NDST1: variants seen among roughly 807,000 people sequenced by gnomAD.
NDST1 encodes the protein N-deacetylase and N-sulfotransferase 1.
A neutral mutation model predicts 92.8 loss-of-function variants in NDST1; 35 were observed. The ratio of observed to expected loss-of-function variants is 0.38; its 90% CI spans 0.29 to 0.50. NDST1 has a LOEUF of 0.50. Among genes scored for constraint, NDST1 ranks in the 20% least tolerant of loss-of-function variants. The pLI is 0.94. For synonymous variants in NDST1, 493 were observed against 500.3 expected (o/e 0.99, Z 0.19); for missense variants, 822 against 1,182.7 (o/e 0.69, Z 4.47).
intron 12 of NDST1, among the ~76,000 whole-genome samples, chr5:150,548,820 T>C (rs1755603228): frequency 2.0e-5 from 3 of 151,880 alleles, no homozygotes; most frequent in Admixed American, 2.0e-4. Flanking sequence ...CATGAGCCAC[T>C]GCACCTGGCC....
intron 3 of NDST1, among the ~76,000 whole-genome samples, chr5:150,531,790 C>CA (rs1754752604): frequency 1.3e-5 from 2 of 151,270 alleles, no homozygotes. Flanking sequence ...TGAGCCACTG[C>CA]ACCTGGCGGC....
In NDST1 at chr5:150,502,129, C is replaced by T. The variant is rs114799766; in HGVS notation, c.-388+3890C>T. 7.9e-3 allele frequency among the ~76,000 whole-genome samples: 1,200 copies of T among 152,144 alleles called. 6 individuals are homozygous for T. Among genetic ancestry groups the T allele is most frequent in the South Asian group, 0.015 (73 of 4,814 alleles). On this transcript the variant is annotated intron_variant, in intron 1 of 1. Transcript: ENST00000518299. ...GTCTGAGTGGAGGGGAAGCTGCTGGCGGGCCCGATGTGAGGACTGACTGGT... is the reference window on the plus strand; with the variant it reads ...GTCTGAGTGGAGGGGAAGCTGCTGGTGGGCCCGATGTGAGGACTGACTGGT...
chr5:150,501,655 A>G (rs1753238158), intron 1 of NDST1, among the ~76,000 whole-genome samples: 1 of 152,184 alleles, frequency 6.6e-6, no homozygotes, highest in African/African-American at 2.4e-5. Context: ...TGTATTAAAC[A>G]TCTACTTTGG....
chr5:150,524,733 G>A lies in NDST1; in HGVS notation c.513+2966G>A, dbSNP rs58843098. Among the ~76,000 whole-genome samples the A allele has an allele frequency of 0.011, 1,668 of 152,304 alleles. 96 individuals carry two copies. In the East Asian group the frequency reaches 0.15, roughly 14 times the overall value. ...GGGGACCGTAAGTGTCTCAGATTTT[G>A]GAATGCTTGCATTCTACTTACCAGT... On this transcript the variant is annotated intron_variant, in intron 2 of 14. Coordinates refer to ENST00000261797, the MANE Select transcript of NDST1 (RefSeq NM_001543.5).
intron 3 of NDST1, among the ~76,000 whole-genome samples, chr5:150,531,631 C>G (rs1356194891): frequency 6.6e-6 from 1 of 150,758 alleles, no homozygotes; most frequent in East Asian, 1.9e-4. Context: ...TCCCGAATAG[C>G]TGGGATTACA....
intron 5 of NDST1, chr5:150,535,347 A>G (rs1314762821): frequency 1.6e-5 from 16 of 985,304 alleles, no homozygotes; most frequent in Non-Finnish European, 1.8e-5. Context: ...AGAGGTGGTC[A>G]ATGAGGAGGG....
intron 1 of NDST1, among the ~76,000 whole-genome samples, chr5:150,499,394 A>G (rs1753132277): frequency 6.6e-6 from 1 of 152,194 alleles, no homozygotes; most frequent in African/African-American, 2.4e-5. Flanking sequence ...TGGTCACTGG[A>G]GGCATCTGAG....
chr5:150,549,191 T>C (rs1052994911), intron 12 of NDST1, among the ~76,000 whole-genome samples: 2 of 152,144 alleles, frequency 1.3e-5, no homozygotes, highest in African/African-American at 4.8e-5. Context: ...TTTGTATTTT[T>C]AGTAGAGACG....
intron 11 of NDST1, among the ~76,000 whole-genome samples, chr5:150,546,912 G>A (rs183052114): frequency 6.6e-6 from 1 of 152,336 alleles, no homozygotes; most frequent in East Asian, 1.9e-4. Flanking sequence ...AAGTGTTTCT[G>A]TTTTCTGCCG....
rs536436453 is a variant in NDST1, at chr5:150,541,538, C to T, written c.1750-32C>T. 7.4e-5 allele frequency: 118 copies of T among 1,599,320 alleles called. 1 individual carries two copies. In the South Asian group the frequency reaches 8.3e-4, roughly 11 times the overall value. ...GGAGTCCACTGACTGGGTTCTGGGG[C>T]GCCCCACACATCCCTTCCACTGTTG... On this transcript the variant is annotated intron_variant, in intron 8 of 14. Coordinates refer to ENST00000261797, the MANE Select transcript of NDST1 (RefSeq NM_001543.5).
rs2151310021 is a variant in NDST1, at chr5:150,556,559, T to C, written c.*3227T>C. ...GAATGCCCACTCCCCAGCATCTAGA[T>C]CTAAAATTATTAACATTTTGCCACA... On this transcript the variant is annotated 3_prime_UTR_variant, in exon 15 of 15. Transcript: ENST00000261797. 1 of 152,372 alleles carries C rather than the reference T, an allele frequency of 6.6e-6. No individual in the cohort carries two copies. Among genetic ancestry groups the C allele is most frequent in the East Asian group, 1.9e-4 (1 of 5,190 alleles). 9.4% of individuals were successfully genotyped at this position (152,372 alleles called of 1,614,324 possible).
chr5:150,555,818 T>C lies in NDST1; in HGVS notation c.*2486T>C, dbSNP rs200904931. The stretch of plus-strand genomic sequence containing the variant: ...TCTGGCTATGGGAAGGAGCAGGCGG[T>C]TGGAAATCCTGTGACAGCAGAGATC... On this transcript the variant is annotated 3_prime_UTR_variant, in exon 15 of 15. Coordinates refer to ENST00000261797, the MANE Select transcript of NDST1 (RefSeq NM_001543.5). 1 of 152,158 alleles carries C rather than the reference T, an allele frequency of 6.6e-6. No individual in the cohort carries two copies. The highest frequency in any genetic ancestry group is 1.5e-5 in the Non-Finnish European group (1 of 68,040). 9.4% of individuals were successfully genotyped at this position (152,158 alleles called of 1,614,324 possible).
intron 7 of NDST1, chr5:150,539,558 T>C: frequency 7.0e-7 from 1 of 1,430,966 alleles, no homozygotes; most frequent in Non-Finnish European, 9.1e-7. Context: ...TTTTTTTTCC[T>C]TTCCTAATCA....
rs137914278 is a variant in NDST1, at chr5:150,513,939, G to A, written c.-388+5713G>A. ...CCCGAAAGTGCAGCGTTGCCATGGC[G>A]TCTCCATGACGACCAGAGCATCTCA... On this transcript the variant is annotated intron_variant, in intron 1 of 14. Transcript: ENST00000261797. Among the ~76,000 whole-genome samples the A allele has an allele frequency of 5.3e-5, 8 of 152,348 alleles. No homozygotes were observed. The South Asian group carries it at 6.2e-4, about 12-fold the overall frequency.
At chr5:150,527,308 C>G (rs904872958) in intron 2 of NDST1, among the ~76,000 whole-genome samples, 3 of 152,218 alleles carry the variant, frequency 2.0e-5, no homozygotes, top group African/African-American at 7.2e-5. Flanking sequence ...ATGCCACAGG[C>G]CCTATTCTGA....
Position 150,557,596 on chromosome 5 carries a change from A to G in NDST1, c.*4264A>G, listed in dbSNP as rs1755895953. The stretch of plus-strand genomic sequence containing the variant: ...TCTGTAGAATGAGCAGATAGGGGCC[A>G]CAGCAGGGATTTTCACACATCAAAG... On this transcript the variant is annotated 3_prime_UTR_variant, in exon 15 of 15. Transcript: ENST00000261797. This position sits in a 1 kb window ranked among gnomAD's most constrained non-coding sequence, Gnocchi z 4.7. The G allele has an allele frequency of 6.6e-6, 1 of 152,260 alleles. No individual in the cohort carries two copies. Among genetic ancestry groups the G allele is most frequent in the Non-Finnish European group, 1.5e-5 (1 of 68,054 alleles). The allele number at this position is 152,260 out of a possible 1,614,324, so 9.4% of individuals were successfully genotyped here.
At position 150,553,943 on chromosome 5, in the gene NDST1, T is replaced by C. The variant is rs1245593613; in HGVS notation, c.*611T>C. On this transcript the variant is annotated 3_prime_UTR_variant, in exon 15 of 15. Coordinates refer to ENST00000261797, the MANE Select transcript of NDST1 (RefSeq NM_001543.5). The surrounding 1 kb of genome is among the most constrained non-coding windows in gnomAD (Gnocchi z 4.2). ...GGGGAAGAATTTCTGGTTCCTACAGTATCCACTCCATCCTCAAGGCTTCCC... is the reference window on the plus strand; with the variant it reads ...GGGGAAGAATTTCTGGTTCCTACAGCATCCACTCCATCCTCAAGGCTTCCC... 3 of 419,444 alleles carry C rather than the reference T, an allele frequency of 7.2e-6. No homozygotes were observed. The highest frequency in any genetic ancestry group is 1.3e-5 in the Non-Finnish European group (3 of 237,350). The allele number at this position is 419,444 out of a possible 1,614,324, so 26.0% of individuals were successfully genotyped here.
At chr5:150,511,811 A>G (rs780882475) in intron 1 of NDST1, among the ~76,000 whole-genome samples, 1 of 152,060 alleles carries the variant, frequency 6.6e-6, no homozygotes, top group Non-Finnish European at 1.5e-5. Context: ...CCAGGGATGT[A>G]ATCACGCTGG....
At chr5:150,512,536 A>T (rs1753774870) in intron 1 of NDST1, among the ~76,000 whole-genome samples, 1 of 151,958 alleles carries the variant, frequency 6.6e-6, no homozygotes, top group South Asian at 2.1e-4. Context: ...CTTGTTCCGC[A>T]CTCCCAGAAA....
Sources: gnomAD v4.1 joint callset for allele counts (sites outside exome capture counted in the v4.1 genomes callset) on GRCh38, gnomAD v4.1.1 for gene constraint, Gnocchi (gnomAD v3.1) non-coding constraint, MANE v1.5 for transcripts, NCBI Gene and HGNC (gene_info 2026-07-23, HGNC 2026-07-21) for gene names.